Variants in CNTNAP2 observed in about 807,000 individuals in gnomAD.
CNTNAP2 encodes contactin-associated protein-like 2.
A neutral mutation model predicts 155.2 loss-of-function variants in CNTNAP2; 98 were observed. The ratio of observed to expected loss-of-function variants is 0.63; its 90% CI spans 0.54 to 0.75. The LOEUF is 0.75. Among genes scored for constraint, CNTNAP2 ranks in the 30% least tolerant of loss-of-function variants. The pLI, the probability that CNTNAP2 is intolerant of heterozygous loss-of-function variation, is 0.00. For missense variants in CNTNAP2, 1,727 were observed against 1,688.1 expected (o/e 1.02, Z -0.40); for synonymous variants, 651 against 631.2 (o/e 1.03, Z -0.47).
chr7:147,008,760 C>T (rs1442659859), intron 3 of CNTNAP2, among the ~76,000 whole-genome samples: 1 of 151,974 alleles, frequency 6.6e-6, no homozygotes, highest in East Asian at 1.9e-4. Flanking sequence ...TGTAGGGAGA[C>T]TAATGGTAGA....
chr7:147,461,333 A>T (rs1313360283), intron 10 of CNTNAP2, among the ~76,000 whole-genome samples: 2 of 152,066 alleles, frequency 1.3e-5, no homozygotes, highest in Admixed American at 1.3e-4. Context: ...GAGAAAAAAA[A>T]TGGTTTCAAA....
chr7:146,354,411 A>ATTTTT (rs10641636), intron 1 of CNTNAP2, among the ~76,000 whole-genome samples: 53 of 135,324 alleles, frequency 3.9e-4, no homozygotes, highest in Non-Finnish European at 3.9e-4. Context: ...TCTTGTTAGT[A>ATTTTT]TTTTTTTTTT....
intron 21 of CNTNAP2, among the ~76,000 whole-genome samples, chr7:148,382,582 C>T (rs1799090688): frequency 6.6e-6 from 1 of 152,144 alleles, no homozygotes; most frequent in African/African-American, 2.4e-5. Context: ...GGCAAGCAAG[C>T]GTAGAGAGAT....
At chr7:146,834,142 T>G (rs938505732) in intron 2 of CNTNAP2, among the ~76,000 whole-genome samples, 1 of 152,274 alleles carries the variant, frequency 6.6e-6, no homozygotes, top group African/African-American at 2.4e-5. Flanking sequence ...TCTGGTGGTG[T>G]TAAAACCACC....
At chr7:148,021,287 G>A (rs1416262232) in intron 15 of CNTNAP2, among the ~76,000 whole-genome samples, 1 of 152,136 alleles carries the variant, frequency 6.6e-6, no homozygotes, top group Non-Finnish European at 1.5e-5. Context: ...CCACGTATTA[G>A]GGACACGGAA....
At chr7:146,428,561 G>A (rs1276412740) in intron 1 of CNTNAP2, among the ~76,000 whole-genome samples, 1 of 151,002 alleles carries the variant, frequency 6.6e-6, no homozygotes, top group Non-Finnish European at 1.5e-5. Context: ...AGAAGTATCT[G>A]TTTATGTTCA....
intron 9 of CNTNAP2, among the ~76,000 whole-genome samples, chr7:147,353,657 T>C (rs1416742383): frequency 6.6e-6 from 1 of 152,164 alleles, no homozygotes; most frequent in Admixed American, 6.5e-5. Context: ...TTTGGGTATA[T>C]ACCCAGTCAT....
chr7:146,658,481 A>G (rs1800031422), intron 1 of CNTNAP2, among the ~76,000 whole-genome samples: 1 of 152,096 alleles, frequency 6.6e-6, no homozygotes, highest in Non-Finnish European at 1.5e-5. Flanking sequence ...TTATTATACC[A>G]TATCTGGAAT....
intron 9 of CNTNAP2, among the ~76,000 whole-genome samples, chr7:147,325,173 G>A (rs1294928502): frequency 2.6e-5 from 4 of 151,954 alleles, no homozygotes; most frequent in East Asian, 1.9e-4. Flanking sequence ...GGTGGCACAC[G>A]CCTGCAATCC....
At chr7:148,076,157 G>T (rs1029375404) in intron 15 of CNTNAP2, among the ~76,000 whole-genome samples, 8 of 152,190 alleles carry the variant, frequency 5.3e-5, no homozygotes, top group Non-Finnish European at 1.0e-4. Context: ...GAAGTCTACA[G>T]TTCAGATTCA....
At chr7:147,062,167 A>AAAAAAAAAC (rs1563062236) in intron 4 of CNTNAP2, among the ~76,000 whole-genome samples, 1 of 139,214 alleles carries the variant, frequency 7.2e-6, no homozygotes, top group Middle Eastern at 3.5e-3. Context: ...AAAAAAAAAA[A>AAAAAAAAAC]AAACCAGTTC....
At chr7:146,777,512 T>A (rs545534274) in intron 2 of CNTNAP2, among the ~76,000 whole-genome samples, 14 of 152,038 alleles carry the variant, frequency 9.2e-5, no homozygotes, top group Non-Finnish European at 1.6e-4. Context: ...AAAGGTTATA[T>A]CCTCTCCAAG....
At chr7:146,846,309 G>A (rs1444183160) in intron 3 of CNTNAP2, among the ~76,000 whole-genome samples, 1 of 143,752 alleles carries the variant, frequency 7.0e-6, no homozygotes, top group Non-Finnish European at 1.5e-5. Context: ...ATAGCTTATT[G>A]AGAAATAAAA....
At chr7:148,107,041 G>A (rs1270085956) in intron 15 of CNTNAP2, among the ~76,000 whole-genome samples, 1 of 152,186 alleles carries the variant, frequency 6.6e-6, no homozygotes, top group Non-Finnish European at 1.5e-5. Flanking sequence ...CCCTAATGTG[G>A]AGAGCCTGAA....
intron 8 of CNTNAP2, among the ~76,000 whole-genome samples, chr7:147,288,160 T>A (rs1441986395): frequency 1.3e-5 from 2 of 152,154 alleles, no homozygotes; most frequent in African/African-American, 2.4e-5. Flanking sequence ...TACTGTCACC[T>A]CCTCAGAGCA....
intron 1 of CNTNAP2, among the ~76,000 whole-genome samples, chr7:146,758,685 C>T (rs766636266): frequency 2.0e-4 from 30 of 152,190 alleles, no homozygotes; most frequent in Admixed American, 3.3e-4. Context: ...AAGAATAATG[C>T]GGGAAAGACC....
intron 3 of CNTNAP2, among the ~76,000 whole-genome samples, chr7:146,947,573 A>ATG (rs1208096755): frequency 7.9e-5 from 2 of 25,462 alleles, no homozygotes; most frequent in Non-Finnish European, 2.6e-4. Flanking sequence ...ATATATATAT[A>ATG]TACATATATA....
intron 1 of CNTNAP2, among the ~76,000 whole-genome samples, chr7:146,412,921 AT>A (rs1468296698): frequency 1.3e-5 from 2 of 152,126 alleles, no homozygotes; most frequent in Non-Finnish European, 2.9e-5. Flanking sequence ...AAATGGATAC[AT>A]TTTTTTATAC....
intron 1 of CNTNAP2, among the ~76,000 whole-genome samples, chr7:146,150,261 T>TGGTGAAGA (rs1332361200): frequency 2.6e-5 from 4 of 152,114 alleles, no homozygotes; most frequent in Non-Finnish European, 5.9e-5. Context: ...TACCAATTGT[T>TGGTGAAGA]GGTGAAGAGG....
Sources: allele counts gnomAD v4.1 joint callset (sites outside exome capture counted in the v4.1 genomes callset), GRCh38; gene constraint gnomAD v4.1.1; transcripts MANE v1.5; gene names NCBI Gene and HGNC (gene_info 2026-07-23, HGNC 2026-07-21).